BLOC1S2: variants seen among roughly 807,000 people sequenced by gnomAD.
BLOC1S2 encodes the protein biogenesis of lysosomal organelles complex 1 subunit 2.
In BLOC1S2, 12 loss-of-function variants were observed where a neutral mutation model predicts 19.6. That is an observed-to-expected ratio of 0.61 (90% CI 0.39 to 0.99). The LOEUF (loss-of-function observed/expected upper bound fraction) is 0.99. Among genes scored for constraint, BLOC1S2 ranks in the 50% least tolerant of loss-of-function variants. BLOC1S2 has a pLI of 0.00. For synonymous variants in BLOC1S2, 66 were observed against 64.1 expected, an observed-to-expected ratio of 1.03 and a Z score of -0.14; for missense variants, 142 against 171.0, an observed-to-expected ratio of 0.83 and a Z score of 0.95.
In BLOC1S2 at chr10:100,280,124, C is replaced by G. The variant is rs1310948087; in HGVS notation, c.397G>C (p.Glu133Gln). The G allele has an allele frequency of 1.9e-6, 3 of 1,610,750 alleles. No homozygotes were observed. The highest frequency in any genetic ancestry group is 2.7e-5 in the African/African-American group (2 of 74,766). ...YKLDAYSKKL[E>Q]AKYKKLEKR ...TCAAAACAGAAGTAAAAACGGTTAC[C>G]CAGTTTTTTTGAATATGCATCCAAC... is the stretch of plus-strand genomic sequence containing the variant. The change falls in exon 4 of 5, where the codon GAA becomes CAA. Residue 133 changes from glutamate to glutamine, a missense_variant and splice_region_variant. Physicochemically the swap from Glu to Gln is conservative, Grantham distance 29. Around this residue, in one of 2 missense-constraint regions of BLOC1S2, gnomAD observed 94 missense variants for 141.3 expected, o/e 0.67. Coordinates refer to ENST00000370372, the MANE Select transcript of BLOC1S2 (RefSeq NM_173809.5).
rs1391602009 is a variant in BLOC1S2, at chr10:100,274,804, C to G, written c.*658G>C. The G allele has an allele frequency of 2.5e-6, 1 of 396,276 alleles. No homozygotes were observed. The highest frequency in any genetic ancestry group is 4.4e-6 in the Non-Finnish European group (1 of 225,098). The allele number at this position is 396,276 out of a possible 1,614,324, so 24.5% of individuals were successfully genotyped here. On this transcript the variant is annotated 3_prime_UTR_variant, in exon 5 of 5. Transcript: ENST00000370372. ...CTTTGTTTTCATCACATTTCCCAAACTGATCGCATGTCAATGTGACTCACA... is the reference window on the plus strand; with the variant it reads ...CTTTGTTTTCATCACATTTCCCAAAGTGATCGCATGTCAATGTGACTCACA...
intron 4 of BLOC1S2, 121 bp from the exon 5 acceptor site, chr10:100,275,614 C>G: frequency 1.2e-6 from 1 of 836,348 alleles, no homozygotes; most frequent in Non-Finnish European, 1.9e-6. Context: ...CTATTAGCTT[C>G]AATCTCATCA....
chr10:100,280,761 A>G (rs938723331), intron 3 of BLOC1S2, among the ~76,000 whole-genome samples, 173 bp downstream of exon 3: 3 of 152,160 alleles, frequency 2.0e-5, no homozygotes, highest in Non-Finnish European at 2.9e-5. Context: ...TACCCATACA[A>G]ACAAAACATG....
chr10:100,282,997 T>C (rs1442052255), intron 2 of BLOC1S2: 1 of 398,464 alleles, frequency 2.5e-6, no homozygotes, highest in Non-Finnish European at 4.4e-6. Flanking sequence ...TCTTGTGCTC[T>C]GATCAATCTC....
In BLOC1S2 at chr10:100,275,376, A is replaced by T; in HGVS notation, c.*86T>A. On this transcript the variant is annotated 3_prime_UTR_variant, in exon 5 of 5. Transcript: ENST00000370372. ...CATAATTTCCTTTTGAGGAATTTTC[A>T]CAATTCATCAGCCTCAGGATTCAGG... The T allele has an allele frequency of 7.3e-7, 1 of 1,374,762 alleles. No individual in the cohort carries two copies. The highest frequency in any genetic ancestry group is 1.5e-5 in the African/African-American group (1 of 68,800). 85.2% of individuals were successfully genotyped at this position (1,374,762 alleles called of 1,614,324 possible).
rs1848072219 is a variant in BLOC1S2 at position 100,280,329 on chromosome 10, C to G, written c.293-101G>C. The G allele has an allele frequency of 1.3e-5, 13 of 1,033,852 alleles. No individual in the cohort carries two copies. The South Asian group carries it at 2.2e-4, about 18-fold the overall frequency. 64.0% of individuals were successfully genotyped at this position (1,033,852 alleles called of 1,614,324 possible). On this transcript the variant is annotated intron_variant, in intron 3 of 4. Transcript: ENST00000370372. Reference sequence around the variant, plus strand: ...TAATGCTAGTGTCTCTCCAGCTATGCTAAGACAGATTAGGTGGCGTGACAT... The same window carrying G: ...TAATGCTAGTGTCTCTCCAGCTATGGTAAGACAGATTAGGTGGCGTGACAT...
intron 2 of BLOC1S2, among the ~76,000 whole-genome samples, chr10:100,282,415 A>G (rs1057298384): frequency 6.6e-6 from 1 of 152,178 alleles, no homozygotes; most frequent in African/African-American, 2.4e-5. Context: ...CACCAAATCC[A>G]TGGCATTTGC....
intron 4 of BLOC1S2, among the ~76,000 whole-genome samples, chr10:100,277,673 C>T (rs1239397829): frequency 8.3e-5 from 11 of 132,308 alleles, no homozygotes; most frequent in African/African-American, 2.6e-4. Flanking sequence ...TCAGCCCCCC[C>T]GCCCGGCCAG....
chr10:100,274,688 A>G lies in BLOC1S2; in HGVS notation c.*774T>C, dbSNP rs1448737958. 3.3e-6 allele frequency: 1 copy of G among 307,138 alleles called. No individual in the cohort carries two copies. The highest frequency in any genetic ancestry group is 2.1e-5 in the African/African-American group (1 of 46,904). The allele number at this position is 307,138 out of a possible 1,614,324, so 19.0% of individuals were successfully genotyped here. A position where few individuals can be genotyped will look rare whatever the true frequency, so the allele number is the denominator to read the frequency against. On this transcript the variant is annotated 3_prime_UTR_variant, in exon 5 of 5. Transcript: ENST00000370372. ...TAAGATCCCCCCAAATCCTACATACACAGTAGGAAGGTATTTTATAAAATC... is the reference window on the plus strand; with the variant it reads ...TAAGATCCCCCCAAATCCTACATACGCAGTAGGAAGGTATTTTATAAAATC...
intron 2 of BLOC1S2, among the ~76,000 whole-genome samples, chr10:100,285,895 G>A (rs1357502222): frequency 6.6e-6 from 1 of 151,996 alleles, no homozygotes; most frequent in Non-Finnish European, 1.5e-5. Flanking sequence ...ACTCTTTTTT[G>A]TTATTGTTTT....
At chr10:100,278,898 C>T (rs1848023245) in intron 4 of BLOC1S2, among the ~76,000 whole-genome samples, 1 of 151,822 alleles carries the variant, frequency 6.6e-6, no homozygotes, top group Admixed American at 6.6e-5. Context: ...CCAGCCTGGG[C>T]AACACAGCAA....
intron 3 of BLOC1S2, among the ~76,000 whole-genome samples, chr10:100,280,442 C>T (rs1848075584): frequency 1.3e-5 from 2 of 152,194 alleles, no homozygotes; most frequent in Admixed American, 1.3e-4. Context: ...TGTCTCTCAT[C>T]TACTAATTTT....
At position 100,280,169 on chromosome 10, in the gene BLOC1S2, G is replaced by T; in HGVS notation, c.352C>A (p.Leu118Ile). 1 of 1,613,532 alleles carries T rather than the reference G, an allele frequency of 6.2e-7. No individual in the cohort carries two copies. Among genetic ancestry groups the T allele is most frequent in the Non-Finnish European group, 8.5e-7 (1 of 1,179,674 alleles). Residue 118 changes from leucine to isoleucine, a missense_variant, in exon 4 of 5, where the codon CTT becomes ATT. Leu to Ile is a conservative substitution (Grantham distance 5). Around this residue, in one of 2 missense-constraint regions of BLOC1S2, gnomAD observed 94 missense variants for 141.3 expected, o/e 0.67. Coordinates refer to ENST00000370372, the MANE Select transcript of BLOC1S2 (RefSeq NM_173809.5). The part of the protein sequence containing the change: ...INVIEEQVAA[L>I]EQAAYKLDAY... ...TCCAACTTGTAAGCTGCCTGCTCAA[G>T]AGCTGCTACCTGCTCTTCAATGACA...
At position 100,276,328 on chromosome 10, in the gene BLOC1S2, T is replaced by TCTCCCTCTCCCGTCTCC. The variant is rs1564870940; in HGVS notation, c.398-836_398-835insGGAGACGGGAGAGGGAG. On this transcript the variant is annotated intron_variant, in intron 4 of 4. Coordinates refer to ENST00000370372, the MANE Select transcript of BLOC1S2 (RefSeq NM_173809.5). The stretch of plus-strand genomic sequence containing the variant: ...CATCTCCCTCTCCCGTCTCCCTCTC[T>TCTCCCTCTCCCGTCTCC]CTCTCCCGTCTCCCTCTCCCGTCTC... 1.1e-4 allele frequency among the ~76,000 whole-genome samples: 4 copies of TCTCCCTCTCCCGTCTCC among 36,212 alleles called. 1 individual carries two copies. The highest frequency in any genetic ancestry group is 8.5e-4 in the East Asian group (2 of 2,350). The allele number at this position is 36,212 out of a possible 152,430, so 23.8% of individuals were successfully genotyped here.
rs954490255 is a variant in BLOC1S2, at chr10:100,275,333, T to C, written c.*129A>G. On this transcript the variant is annotated 3_prime_UTR_variant, in exon 5 of 5. Transcript: ENST00000370372. Reference sequence around the variant, plus strand: ...CCTCCAGTTTACTCGAACGTTGAGATGTTCCTGTGATGACCAGCATAATTT... The same window carrying C: ...CCTCCAGTTTACTCGAACGTTGAGACGTTCCTGTGATGACCAGCATAATTT... 1.3e-5 allele frequency: 12 copies of C among 910,490 alleles called. No individual in the cohort carries two copies. The highest frequency in any genetic ancestry group is 1.2e-4 in the African/African-American group (7 of 60,156). 56.4% of individuals were successfully genotyped at this position (910,490 alleles called of 1,614,324 possible).
chr10:100,284,475 A>G (rs1431703048), intron 2 of BLOC1S2, among the ~76,000 whole-genome samples: 1 of 152,166 alleles, frequency 6.6e-6, no homozygotes, highest in African/African-American at 2.4e-5. Context: ...AGCTTGGGCA[A>G]CGGAGCAGAC....
chr10:100,285,320 T>G (rs2134367036), intron 2 of BLOC1S2, among the ~76,000 whole-genome samples: 1 of 152,284 alleles, frequency 6.6e-6, no homozygotes, highest in East Asian at 1.9e-4. Flanking sequence ...AGTGGTGTGA[T>G]CTCAGTCCAC....
rs1847821007 is a variant in BLOC1S2 at position 100,275,198 on chromosome 10, T to C, written c.*264A>G. 9.6e-6 allele frequency: 4 copies of C among 418,342 alleles called. No homozygotes were observed. In the Admixed American group the frequency reaches 1.6e-4, roughly 17 times the overall value. 25.9% of individuals were successfully genotyped at this position (418,342 alleles called of 1,614,324 possible). A position where few individuals can be genotyped will look rare whatever the true frequency, so the allele number is the denominator to read the frequency against. ...AAGTCCAGCTGTTTTCTGAACTTTG[T>C]GAGAGTCTCTGTCCTGAATATGGCA... On this transcript the variant is annotated 3_prime_UTR_variant, in exon 5 of 5. Transcript: ENST00000370372.
intron 4 of BLOC1S2, among the ~76,000 whole-genome samples, chr10:100,279,015 AGT>A (rs1848027000): frequency 6.6e-6 from 1 of 151,956 alleles, no homozygotes; most frequent in African/African-American, 2.4e-5. Context: ...AGAGCCCAGG[AGT>A]TCAAGGCTAC....
Sources: allele counts gnomAD v4.1 joint callset (sites outside exome capture counted in the v4.1 genomes callset), GRCh38; gene constraint gnomAD v4.1.1; regional missense constraint gnomAD v4.1.1; transcripts MANE v1.5; gene names NCBI Gene and HGNC (gene_info 2026-07-23, HGNC 2026-07-21).